The following UNC5CL variants were observed in gnomAD, a reference collection of about 807,000 sequenced individuals.
UNC5CL encodes the protein unc-5 family C-terminal like.
A neutral mutation model predicts 54.1 loss-of-function variants in UNC5CL; 42 were observed. The observed-to-expected ratio is 0.78, with a 90% CI of 0.61 to 1.00. The LOEUF is 1.00. Ranked by LOEUF, UNC5CL falls within the 50% of genes least tolerant of loss-of-function variation. The pLI is 0.00. For synonymous variants in UNC5CL, 285 were observed against 285.1 expected (o/e 1.00, Z 0.00); for missense variants, 619 against 675.6 (o/e 0.92, Z 0.93).
At chr6:41,032,160 A>G in intron 4 of UNC5CL, 23 bp from the exon 5 acceptor site, 1 of 1,602,374 alleles carries the variant, frequency 6.2e-7, no homozygotes, top group Non-Finnish European at 8.6e-7. Flanking sequence ...CAGACAGCAG[A>G]GGGCCTCAGA....
At position 41,028,079 on chromosome 6, in the gene UNC5CL, C is replaced by T; in HGVS notation, c.*294G>A. 2.2e-6 allele frequency: 1 copy of T among 458,664 alleles called. No individual in the cohort carries two copies. The highest frequency in any genetic ancestry group is 3.9e-6 in the Non-Finnish European group (1 of 257,196). The allele number at this position is 458,664 out of a possible 1,614,324, so 28.4% of individuals were successfully genotyped here. On this transcript the variant is annotated 3_prime_UTR_variant, in exon 9 of 9. Transcript: ENST00000244565. The surrounding 1 kb of genome is among the most constrained non-coding windows in gnomAD (Gnocchi z 4.3). ...AGGGCCTGACCGGCCCTAAAGTGCA[C>T]GCGGGGACCGTGGCCGTCCCCTGGT...
chr6:41,027,832 C>T lies in UNC5CL; in HGVS notation c.*541G>A, dbSNP rs1581973718. 6.5e-6 allele frequency: 1 copy of T among 153,026 alleles called. No homozygotes were observed. The allele number at this position is 153,026 out of a possible 1,614,324, so 9.5% of individuals were successfully genotyped here. On this transcript the variant is annotated 3_prime_UTR_variant, in exon 9 of 9. Transcript: ENST00000244565. ...GTGAAGCATTCTCGCTGCTCCAGCCCGCACTCAGCTCTTCCCCTCTCAACT... is the reference window on the plus strand; with the variant it reads ...GTGAAGCATTCTCGCTGCTCCAGCCTGCACTCAGCTCTTCCCCTCTCAACT...
In UNC5CL at chr6:41,032,076, T is replaced by C. The variant is rs751380206; in HGVS notation, c.1011A>G (p.Gly337=). The C allele has an allele frequency of 3.5e-5, 56 of 1,614,024 alleles. No individual in the cohort carries two copies. The East Asian group carries it at 1.2e-3, about 34-fold the overall frequency. The change falls in exon 5 of 9, where the codon GGA becomes GGG. Residue 337 remains glycine, a synonymous_variant. Coordinates refer to ENST00000244565, the MANE Select transcript of UNC5CL (RefSeq NM_173561.3). ...QLVPHLHIWH[G]KCPFRSFCFR... is the part of the protein sequence containing the mutation. ...AGCAGAAGGAGCGGAAGGGGCACTT[T>C]CCATGCCAGATGTGGAGATGGGGAA...
chr6:41,028,052 T>G lies in UNC5CL; in HGVS notation c.*321A>C. The G allele has an allele frequency of 2.8e-6, 1 of 361,530 alleles. No individual in the cohort carries two copies. The highest frequency in any genetic ancestry group is 5.1e-6 in the Non-Finnish European group (1 of 197,972). The allele number at this position is 361,530 out of a possible 1,614,324, so 22.4% of individuals were successfully genotyped here. A position where few individuals can be genotyped will look rare whatever the true frequency, so the allele number is the denominator to read the frequency against. On this transcript the variant is annotated 3_prime_UTR_variant, in exon 9 of 9. Coordinates refer to ENST00000244565, the MANE Select transcript of UNC5CL (RefSeq NM_173561.3). The surrounding 1 kb of genome is among the most constrained non-coding windows in gnomAD (Gnocchi z 4.3). ...TCTTCCTAAGTGCTCAGTGAATACTTTAGGGCCTGACCGGCCCTAAAGTGC... is the reference window on the plus strand; with the variant it reads ...TCTTCCTAAGTGCTCAGTGAATACTGTAGGGCCTGACCGGCCCTAAAGTGC...
intron 4 of UNC5CL, among the ~76,000 whole-genome samples, chr6:41,032,643 T>G (rs1581976375): frequency 6.6e-6 from 1 of 152,064 alleles, no homozygotes; most frequent in East Asian, 1.9e-4. Flanking sequence ...CACCTGTAAT[T>G]GCAGCTACTC....
intron 2 of UNC5CL, 101 bp downstream of exon 2, chr6:41,034,589 T>C (rs750495620): frequency 7.2e-7 from 1 of 1,397,994 alleles, no homozygotes; most frequent in Admixed American, 2.2e-5. Context: ...TAAACAATTA[T>C]CAGAAGTAAA....
chr6:41,031,587 A>T, intron 6 of UNC5CL, 94 bp downstream of exon 6: 1 of 1,250,462 alleles, frequency 8.0e-7, no homozygotes, highest in Non-Finnish European at 1.2e-6. Context: ...CTATGTGATT[A>T]AGACCATAGT....
At chr6:41,030,557 TTC>T in intron 7 of UNC5CL, 56 bp from the exon 8 acceptor site, 1 of 1,610,556 alleles carries the variant, frequency 6.2e-7, no homozygotes, top group East Asian at 2.2e-5. Flanking sequence ...CCCACTCTGG[TTC>T]TCCCATATGC....
intron 4 of UNC5CL, 65 bp from the exon 5 acceptor site, chr6:41,032,202 C>A (rs546875703): frequency 1.3e-5 from 17 of 1,348,274 alleles, no homozygotes; most frequent in Non-Finnish European, 1.7e-5. Flanking sequence ...TTGAAGGGGG[C>A]TGTGGGGAGG....
chr6:41,030,884 G>A lies in UNC5CL; in HGVS notation c.1120-129C>T, dbSNP rs1762447095. 13 of 773,642 alleles carry A rather than the reference G, an allele frequency of 1.7e-5. No individual in the cohort carries two copies. In the East Asian group the frequency reaches 3.2e-4, roughly 19 times the overall value. The allele number at this position is 773,642 out of a possible 1,614,324, so 47.9% of individuals were successfully genotyped here. A position where few individuals can be genotyped will look rare whatever the true frequency, so the allele number is the denominator to read the frequency against. ...GTCACTCAGAGCCACCTTACCAGGA[G>A]ATACAACCCTGCTCCACCCAGCACC... On this transcript the variant is annotated intron_variant, in intron 6 of 8. Transcript: ENST00000244565.
chr6:41,038,860 C>T (rs186098392), intron 1 of UNC5CL, among the ~76,000 whole-genome samples: 1 of 152,338 alleles, frequency 6.6e-6, no homozygotes, highest in African/African-American at 2.4e-5. Flanking sequence ...TCTCCCTGTG[C>T]CTCCCCAACA....
At chr6:41,034,290 C>A (rs1762492155) in intron 2 of UNC5CL, 109 bp from the exon 3 acceptor site, 2 of 1,302,556 alleles carry the variant, frequency 1.5e-6, no homozygotes, top group African/African-American at 1.5e-5. Flanking sequence ...CCAGGAGAGA[C>A]CCCCAGCAGG....
rs1047335701 is a variant in UNC5CL, at chr6:41,031,752, T to C, written c.1052-4A>G. ...GAACAGTCCTCATTCTCATCGGCTA[T>C]AAAGAGAAGGTGACAGCGTGGCCAG... On this transcript the variant is annotated splice_polypyrimidine_tract_variant and splice_region_variant and intron_variant, in intron 5 of 8. Coordinates refer to ENST00000244565, the MANE Select transcript of UNC5CL (RefSeq NM_173561.3). 89 of 1,614,090 alleles carry C rather than the reference T, an allele frequency of 5.5e-5. No individual in the cohort carries two copies. Among genetic ancestry groups the C allele is most frequent in the Non-Finnish European group, 6.4e-5 (76 of 1,180,008 alleles).
chr6:41,027,523 C>G lies in UNC5CL; in HGVS notation c.*850G>C, dbSNP rs1055303069. 6.6e-6 allele frequency: 1 copy of G among 152,242 alleles called. No individual in the cohort carries two copies. The highest frequency in any genetic ancestry group is 1.5e-5 in the Non-Finnish European group (1 of 68,066). 9.4% of individuals were successfully genotyped at this position (152,242 alleles called of 1,614,324 possible). ...GGCCAGAATGATCATCTTGAAGTTT[C>G]TACTCAGCTTTAATGTTTTCTGATA... On this transcript the variant is annotated 3_prime_UTR_variant, in exon 9 of 9. Transcript: ENST00000244565.
chr6:41,037,435 C>T (rs1313748752), intron 1 of UNC5CL, among the ~76,000 whole-genome samples: 1 of 152,198 alleles, frequency 6.6e-6, no homozygotes, highest in Non-Finnish European at 1.5e-5. Flanking sequence ...GGAAGAGCTT[C>T]CAGTATCCAG....
chr6:41,034,218 G>A, intron 2 of UNC5CL, 37 bp from the exon 3 acceptor site: 1 of 1,566,628 alleles, frequency 6.4e-7, no homozygotes, highest in East Asian at 2.2e-5. Context: ...GGGCCTGGTA[G>A]GCAGGCACAC....
chr6:41,030,845 C>G, intron 6 of UNC5CL, 90 bp from the exon 7 acceptor site: 1 of 1,183,540 alleles, frequency 8.4e-7, no homozygotes, highest in Non-Finnish European at 1.2e-6. Flanking sequence ...TTCCTCATGT[C>G]TCTCCTTCAG....
At chr6:41,032,584 C>A (rs1561829808) in intron 4 of UNC5CL, among the ~76,000 whole-genome samples, 1 of 152,162 alleles carries the variant, frequency 6.6e-6, no homozygotes, top group East Asian at 1.9e-4. Flanking sequence ...CATGATGAAA[C>A]CCCGTCTCTA....
chr6:41,028,334 C>A lies in UNC5CL; in HGVS notation c.*39G>T. 6.6e-7 allele frequency: 1 copy of A among 1,513,118 alleles called. No homozygotes were observed. 93.7% of individuals were successfully genotyped at this position (1,513,118 alleles called of 1,614,324 possible). ...TCTTAGGCGTAGGAGAACAACCCCTCTCGCCCCTACACCTCCTCCGGCCCT... is the reference window on the plus strand; with the variant it reads ...TCTTAGGCGTAGGAGAACAACCCCTATCGCCCCTACACCTCCTCCGGCCCT... On this transcript the variant is annotated 3_prime_UTR_variant, in exon 9 of 9. Transcript: ENST00000244565. This position sits in a 1 kb window ranked among gnomAD's most constrained non-coding sequence, Gnocchi z 4.3.
Sources: gnomAD v4.1 joint callset for allele counts (sites outside exome capture counted in the v4.1 genomes callset) on GRCh38, gnomAD v4.1.1 for gene constraint, Gnocchi (gnomAD v3.1) non-coding constraint, MANE v1.5 for transcripts, NCBI Gene and HGNC (gene_info 2026-07-23, HGNC 2026-07-21) for gene names.